PDE12: variants seen among roughly 807,000 people sequenced by gnomAD.
PDE12 encodes the protein 2',5'-phosphodiesterase 12.
Under a neutral mutation model 45.4 loss-of-function variants are expected in PDE12, and 26 were observed. The ratio of observed to expected loss-of-function variants is 0.57; its 90% CI spans 0.42 to 0.79. The LOEUF (loss-of-function observed/expected upper bound fraction) is 0.79, where lower values mean the gene tolerates loss of function less well. PDE12 is among the 30% of genes least tolerant of loss of function. The pLI, the probability that PDE12 is intolerant of heterozygous loss-of-function variation, is 0.00. For missense variants in PDE12, 668 were observed against 790.0 expected (o/e 0.85, Z 1.85); for synonymous variants, 283 against 323.9 (o/e 0.87, Z 1.36).
In PDE12 at chr3:57,562,792, A is replaced by C. The variant is rs2069740680; in HGVS notation, c.*2788A>C. ...CAATAATCAAAATTCATGAGCAAACAATCGTTTCTGGCTGTAATGTATGTT... is the reference window on the plus strand; with the variant it reads ...CAATAATCAAAATTCATGAGCAAACCATCGTTTCTGGCTGTAATGTATGTT... On this transcript the variant is annotated 3_prime_UTR_variant, in exon 3 of 3. Transcript: ENST00000311180. The C allele has an allele frequency of 1.3e-5, 2 of 152,232 alleles. No homozygotes were observed. The highest frequency in any genetic ancestry group is 2.9e-5 in the Non-Finnish European group (2 of 68,036). The allele number at this position is 152,232 out of a possible 1,614,324, so 9.4% of individuals were successfully genotyped here.
At chr3:57,570,219 G>GTTTTTTTTTTTTTTTTTTTT (rs34599005), downstream of PDE12, among the ~76,000 whole-genome samples, 2 of 102,314 alleles carry the variant, frequency 2.0e-5, no homozygotes, top group Admixed American at 1.3e-4. Flanking sequence ...TTAATCCAGT[G>GTTTTTTTTTTTTTTTTTTTT]TTTTTTTTTT....
the PDE12 span, among the ~76,000 whole-genome samples, chr3:57,604,499 C>T: frequency 6.6e-6 from 1 of 151,944 alleles, no homozygotes; most frequent in Non-Finnish European, 1.5e-5. Flanking sequence ...TGGTGGCCCA[C>T]ACTTGTAGTC....
the PDE12 span, among the ~76,000 whole-genome samples, chr3:57,594,514 T>A: frequency 1.3e-5 from 2 of 152,278 alleles, no homozygotes; most frequent in African/African-American, 4.8e-5. Context: ...TACACTGTGT[T>A]GGTTTTTTAA....
At chr3:57,643,092 T>C in the PDE12 span, among the ~76,000 whole-genome samples, 10 of 151,324 alleles carry the variant, frequency 6.6e-5, no homozygotes, top group African/African-American at 1.7e-4. Context: ...AAAAGCAAAT[T>C]TGGATATGCA....
the PDE12 span, among the ~76,000 whole-genome samples, chr3:57,614,990 C>CT: frequency 2.1e-5 from 3 of 142,856 alleles, no homozygotes; most frequent in Admixed American, 2.2e-4. Flanking sequence ...GGGACTGTGT[C>CT]TCAAAAAAAA....
the PDE12 span, among the ~76,000 whole-genome samples, chr3:57,647,804 T>C: frequency 1.5e-5 from 2 of 137,830 alleles, no homozygotes; most frequent in African/African-American, 5.6e-5. Flanking sequence ...CCTGGAGATG[T>C]GGTCTAGTGG....
At chr3:57,636,473 G>C in the PDE12 span, among the ~76,000 whole-genome samples, 1 of 152,150 alleles carries the variant, frequency 6.6e-6, no homozygotes, top group African/African-American at 2.4e-5. Flanking sequence ...ATGAGCCACA[G>C]TCTAACAGCA....
chr3:57,597,152 C>T, the PDE12 span: 1 of 1,613,048 alleles, frequency 6.2e-7, no homozygotes, highest in Non-Finnish European at 8.5e-7. Flanking sequence ...GCGGTAGTGG[C>T]ACTTGTGATG....
the PDE12 span, among the ~76,000 whole-genome samples, chr3:57,618,607 G>GT: frequency 0.056 from 4,442 of 79,338 alleles, 476 homozygotes; most frequent in African/African-American, 0.18. Flanking sequence ...TTGCTTTTGT[G>GT]TTTTTTTTTT....
intron 1 of PDE12, 66 bp from the exon 2 acceptor site, chr3:57,559,244 C>A: frequency 1.5e-6 from 2 of 1,337,904 alleles, no homozygotes; most frequent in Non-Finnish European, 2.1e-6. Flanking sequence ...AACAAACAAA[C>A]AAACAAAAAC....
Position 57,556,422 on chromosome 3 carries a change from C to T in PDE12, c.43C>T (p.Arg15Trp). Reference sequence around the variant, plus strand: ...CGCCCGCGCCGCGCTTCGGGTGATCCGGACGGCGGTGGAGAAGCTGAGCCG... The same window carrying T: ...CGCCCGCGCCGCGCTTCGGGTGATCTGGACGGCGGTGGAGAAGCTGAGCCG... ...PGARAALRVI[R>W]TAVEKLSRAE... Residue 15 changes from arginine (R) to tryptophan (W), a missense_variant, in exon 1 of 3, where the codon CGG (arginine) becomes TGG (tryptophan). Arg to Trp is a moderately radical substitution (Grantham distance 101). Coordinates refer to ENST00000311180, the MANE Select transcript of PDE12 (RefSeq NM_177966.7). This position sits in a 1 kb window ranked among gnomAD's most constrained non-coding sequence, Gnocchi z 5.0. The T allele has an allele frequency of 6.2e-7, 1 of 1,609,472 alleles. No homozygotes were observed. The highest frequency in any genetic ancestry group is 8.5e-7 in the Non-Finnish European group (1 of 1,178,210).
chr3:57,649,646 ATATATATATAGTTG>A, the PDE12 span, among the ~76,000 whole-genome samples: 1 of 150,740 alleles, frequency 6.6e-6, no homozygotes, highest in Non-Finnish European at 1.5e-5. Context: ...AAAAAAATAT[ATATATATATAGTTG>A]TATGTGTGTA....
chr3:57,556,431 G>A lies in PDE12; in HGVS notation c.52G>A (p.Val18Met). 2 of 1,611,742 alleles carry A rather than the reference G, an allele frequency of 1.2e-6. No individual in the cohort carries two copies. Among genetic ancestry groups the A allele is most frequent in the Non-Finnish European group, 1.7e-6 (2 of 1,179,354 alleles). The change falls in exon 1 of 3, where the codon GTG (valine) becomes ATG (methionine). Residue 18 changes from valine (V) to methionine (M), a missense_variant. By Grantham distance (21) the Val-to-Met change is conservative. Transcript: ENST00000311180. This position sits in a 1 kb window ranked among gnomAD's most constrained non-coding sequence, Gnocchi z 5.0. Reference sequence around the variant, plus strand: ...CGCGCTTCGGGTGATCCGGACGGCGGTGGAGAAGCTGAGCCGGGCTGAAGC... The same window carrying A: ...CGCGCTTCGGGTGATCCGGACGGCGATGGAGAAGCTGAGCCGGGCTGAAGC... Reference protein sequence around the residue: ...RAALRVIRTAVEKLSRAEAGS... With the variant: ...RAALRVIRTAMEKLSRAEAGS...
chr3:57,580,086 C>A, the PDE12 span, among the ~76,000 whole-genome samples: 2 of 152,110 alleles, frequency 1.3e-5, no homozygotes, highest in African/African-American at 4.8e-5. Context: ...GCCTGGGTAA[C>A]AGAGTGAGAC....
the PDE12 span, chr3:57,577,435 CTA>C: frequency 6.8e-7 from 1 of 1,465,434 alleles, no homozygotes; most frequent in Non-Finnish European, 9.6e-7. Flanking sequence ...ACGACACTCT[CTA>C]TATGAAACAG....
the PDE12 span, among the ~76,000 whole-genome samples, chr3:57,611,569 GAGA>G: frequency 6.6e-6 from 1 of 152,148 alleles, no homozygotes; most frequent in Admixed American, 6.6e-5. Flanking sequence ...CAAAAAGTGG[GAGA>G]AGGATATGAA....
the PDE12 span, among the ~76,000 whole-genome samples, chr3:57,652,662 G>A: frequency 2.6e-5 from 4 of 152,174 alleles, no homozygotes; most frequent in Non-Finnish European, 5.9e-5. Flanking sequence ...TAACTTATCA[G>A]TGGAGAAGCT....
At chr3:57,594,907 C>T in the PDE12 span, among the ~76,000 whole-genome samples, 1 of 152,184 alleles carries the variant, frequency 6.6e-6, no homozygotes, top group Non-Finnish European at 1.5e-5. Flanking sequence ...ATGCACATAT[C>T]TCCCTCGTAC....
chr3:57,584,198 A>C, the PDE12 span: 1 of 719,686 alleles, frequency 1.4e-6, no homozygotes, highest in Non-Finnish European at 2.3e-6. Context: ...CCTGGGCTCA[A>C]GCAATCCACC....
Sources: gnomAD v4.1 joint callset for allele counts (sites outside exome capture counted in the v4.1 genomes callset) on GRCh38, gnomAD v4.1.1 for gene constraint, Gnocchi (gnomAD v3.1) non-coding constraint, MANE v1.5 for transcripts, NCBI Gene and HGNC (gene_info 2026-07-23, HGNC 2026-07-21) for gene names.